The following PAK5 variants were observed in gnomAD, a reference collection of about 807,000 sequenced individuals.
PAK5 encodes serine/threonine-protein kinase PAK 5.
PAK5 carries 16 observed loss-of-function variants against 65.9 expected under a neutral mutation model. The ratio of observed to expected loss-of-function variants is 0.24; its 90% CI spans 0.16 to 0.37. The LOEUF (loss-of-function observed/expected upper bound fraction) is 0.37. Ranked by LOEUF, PAK5 falls within the 10% of genes least tolerant of loss-of-function variation. PAK5 has a pLI of 1.00. For missense variants in PAK5, 785 were observed against 903.9 expected (o/e 0.87, Z 1.69); for synonymous variants, 371 against 354.9 (o/e 1.05, Z -0.51).
At chr20:9,622,749 C>G (rs1210471258) in intron 3 of PAK5, among the ~76,000 whole-genome samples, 1 of 152,150 alleles carries the variant, frequency 6.6e-6, no homozygotes, top group African/African-American at 2.4e-5. Flanking sequence ...AATCTAATGC[C>G]TGATCATTTG....
intron 2 of PAK5, among the ~76,000 whole-genome samples, chr20:9,688,594 A>G (rs2123425611): frequency 6.6e-6 from 1 of 151,688 alleles, no homozygotes; most frequent in East Asian, 2.0e-4. Context: ...TTATCCTCCA[A>G]GCAAAGCCAG....
chr20:9,673,914 C>T (rs545655518), intron 2 of PAK5, among the ~76,000 whole-genome samples: 3 of 152,254 alleles, frequency 2.0e-5, no homozygotes, highest in South Asian at 4.1e-4. Flanking sequence ...ATAAGCTGCC[C>T]AATAAGGAGC....
At chr20:9,641,240 G>A (rs2076480457) in intron 3 of PAK5, among the ~76,000 whole-genome samples, 1 of 151,326 alleles carries the variant, frequency 6.6e-6, no homozygotes, top group Admixed American at 6.6e-5. Flanking sequence ...CTAAACACAG[G>A]GTGCTGATTG....
intron 3 of PAK5, among the ~76,000 whole-genome samples, chr20:9,636,418 T>C (rs2046983844): frequency 6.6e-6 from 1 of 152,100 alleles, no homozygotes; most frequent in African/African-American, 2.4e-5. Context: ...CCTGTTTTTG[T>C]GAATAGAGAA....
At chr20:9,737,694 T>G (rs184821006) in intron 1 of PAK5, among the ~76,000 whole-genome samples, 1 of 152,208 alleles carries the variant, frequency 6.6e-6, no homozygotes, top group Non-Finnish European at 1.5e-5. Flanking sequence ...TAGCCCTTCA[T>G]GAATATTTAG....
chr20:9,583,472 G>C (rs6056718), intron 3 of PAK5, among the ~76,000 whole-genome samples: 45,403 of 152,058 alleles, frequency 0.3, 7,189 homozygotes, highest in African/African-American at 0.4. Flanking sequence ...CTTATAGTTT[G>C]CATTCAAAGC....
At chr20:9,676,901 A>T (rs2047580450) in intron 2 of PAK5, among the ~76,000 whole-genome samples, 1 of 152,072 alleles carries the variant, frequency 6.6e-6, no homozygotes, top group East Asian at 1.9e-4. Flanking sequence ...TTCTGACAAT[A>T]AAATTAGAGA....
At chr20:9,559,822 C>G (rs1189677176) in intron 6 of PAK5, among the ~76,000 whole-genome samples, 1 of 151,688 alleles carries the variant, frequency 6.6e-6, no homozygotes, top group Non-Finnish European at 1.5e-5. Context: ...AGGCAGGTGA[C>G]AAGAAATGTT....
At chr20:9,719,342 A>C (rs983981634) in intron 1 of PAK5, among the ~76,000 whole-genome samples, 2 of 152,178 alleles carry the variant, frequency 1.3e-5, no homozygotes, top group African/African-American at 4.8e-5. Context: ...TTCTCCAAAT[A>C]CAGATTGAGC....
chr20:9,672,842 G>T (rs1798374266), intron 2 of PAK5, among the ~76,000 whole-genome samples: 1 of 152,066 alleles, frequency 6.6e-6, no homozygotes, highest in South Asian at 2.1e-4. Context: ...CAAATAGATG[G>T]CTCTTGAACA....
intron 2 of PAK5, among the ~76,000 whole-genome samples, chr20:9,672,513 G>T (rs2047513735): frequency 6.6e-6 from 1 of 151,614 alleles, no homozygotes; most frequent in South Asian, 2.1e-4. Context: ...AGATCTCATG[G>T]TTTTATAAAG....
At chr20:9,825,256 T>A (rs1022147084) in intron 1 of PAK5, among the ~76,000 whole-genome samples, 1 of 152,190 alleles carries the variant, frequency 6.6e-6, no homozygotes, top group African/African-American at 2.4e-5. Flanking sequence ...CATCCTTCTA[T>A]CCCAAGCAAA....
intron 6 of PAK5, among the ~76,000 whole-genome samples, chr20:9,561,569 C>T (rs183104029): frequency 6.6e-6 from 1 of 152,172 alleles, no homozygotes; most frequent in Admixed American, 6.5e-5. Flanking sequence ...TTGAGATAGC[C>T]TACTCCAGAC....
At chr20:9,628,958 T>C (rs1464377602) in intron 3 of PAK5, among the ~76,000 whole-genome samples, 4 of 152,214 alleles carry the variant, frequency 2.6e-5, no homozygotes, top group Admixed American at 2.0e-4. Context: ...GTGCTCCATG[T>C]GATCTCAGAG....
intron 1 of PAK5, among the ~76,000 whole-genome samples, chr20:9,733,800 G>T (rs886473989): frequency 5.3e-5 from 8 of 152,250 alleles, no homozygotes; most frequent in African/African-American, 1.7e-4. Flanking sequence ...ATGATGGCTG[G>T]TCATTTGAAA....
intron 2 of PAK5, among the ~76,000 whole-genome samples, chr20:9,677,333 C>T (rs2047588730): frequency 6.6e-6 from 1 of 152,110 alleles, no homozygotes; most frequent in African/African-American, 2.4e-5. Context: ...TCTGTCCTTA[C>T]TAGAGGGAGT....
chr20:9,555,235 A>G (rs2045488398), intron 7 of PAK5, among the ~76,000 whole-genome samples: 1 of 152,222 alleles, frequency 6.6e-6, no homozygotes, highest in African/African-American at 2.4e-5. Context: ...AAGGACTAAA[A>G]GCATCTACAA....
intron 2 of PAK5, among the ~76,000 whole-genome samples, chr20:9,697,053 T>C (rs557405580): frequency 3.4e-4 from 52 of 152,240 alleles, no homozygotes; most frequent in African/African-American, 1.1e-3. Context: ...TCCCTTATTA[T>C]TTTAGCACAA....
rs760968208 is a variant in PAK5 at position 9,557,690 on chromosome 20, C to T, written c.1661G>A (p.Arg554Lys). 32 of 1,611,588 alleles carry T rather than the reference C, an allele frequency of 2.0e-5. No individual in the cohort carries two copies. The Admixed American group carries it at 2.0e-4, about 10-fold the overall frequency. ...QIATVCLSVL[R>K]ALSYLHNQGV... is the part of the protein sequence containing the mutation. Reference sequence around the variant, plus strand: ...TTGGTTATGAAGGTAGGAGAGAGCTCTCAGAACTGACAGGCAGACAGTAGC... The same window carrying T: ...TTGGTTATGAAGGTAGGAGAGAGCTTTCAGAACTGACAGGCAGACAGTAGC... Residue 554 changes from arginine to lysine, a missense_variant, in exon 7 of 10, where the codon AGA (arginine) becomes AAA (lysine). Physicochemically the swap from Arg to Lys is conservative, Grantham distance 26. Transcript: ENST00000353224.
Sources: allele counts gnomAD v4.1 joint callset (sites outside exome capture counted in the v4.1 genomes callset), GRCh38; gene constraint gnomAD v4.1.1; transcripts MANE v1.5; gene names NCBI Gene and HGNC (gene_info 2026-07-23, HGNC 2026-07-21).